ZNF827: variants seen among roughly 807,000 people sequenced by gnomAD.
ZNF827 encodes the protein zinc finger protein 827.
In ZNF827, 13 loss-of-function variants were observed where a neutral mutation model predicts 102.4. That is an observed-to-expected ratio of 0.13 (90% CI 0.08 to 0.20). The LOEUF (loss-of-function observed/expected upper bound fraction) is 0.20. ZNF827 is among the 10% of genes least tolerant of loss of function. ZNF827 has a pLI of 1.00. For synonymous variants in ZNF827, 523 were observed against 536.2 expected, an observed-to-expected ratio of 0.98 and a Z score of 0.34; for missense variants, 1,103 against 1,344.4, an observed-to-expected ratio of 0.82 and a Z score of 2.81.
chr4:145,834,659 T>G (rs1744625157), intron 7 of ZNF827, among the ~76,000 whole-genome samples: 1 of 152,124 alleles, frequency 6.6e-6, no homozygotes, highest in African/African-American at 2.4e-5. Context: ...TAGGCTCTTT[T>G]TCATCAAATA....
intron 7 of ZNF827, among the ~76,000 whole-genome samples, chr4:145,842,024 G>A (rs1375385440): frequency 1.3e-5 from 2 of 152,146 alleles, no homozygotes; most frequent in African/African-American, 4.8e-5. Flanking sequence ...GTAGAGGAGG[G>A]AGATAGATAA....
intron 1 of ZNF827, among the ~76,000 whole-genome samples, chr4:145,934,174 A>G (rs1753997448): frequency 6.6e-6 from 1 of 152,196 alleles, no homozygotes; most frequent in Admixed American, 6.5e-5. Flanking sequence ...TCGTGTAATA[A>G]TTTTTAAAAC....
At chr4:145,818,973 T>C (rs1742867480) in intron 8 of ZNF827, among the ~76,000 whole-genome samples, 1 of 152,212 alleles carries the variant, frequency 6.6e-6, no homozygotes, top group Admixed American at 6.5e-5. Context: ...GAACATCAAA[T>C]TCTGACTGGC....
At chr4:145,791,360 G>C (rs1299451546) in intron 8 of ZNF827, among the ~76,000 whole-genome samples, 2 of 152,132 alleles carry the variant, frequency 1.3e-5, no homozygotes, top group Non-Finnish European at 2.9e-5. Flanking sequence ...CTTCCCAAAG[G>C]CTCCATCTTC....
chr4:145,781,602 A>T (rs1738064304), intron 8 of ZNF827, among the ~76,000 whole-genome samples: 1 of 152,194 alleles, frequency 6.6e-6, no homozygotes. Context: ...GTGACTAAAA[A>T]CCTCTAAAGG....
At chr4:145,831,482 G>C (rs1158445918) in intron 7 of ZNF827, 1 of 152,210 alleles carries the variant, frequency 6.6e-6, no homozygotes, top group Non-Finnish European at 1.5e-5. Flanking sequence ...GTGGGCAGAG[G>C]GGACTCAAGG....
intron 8 of ZNF827, among the ~76,000 whole-genome samples, chr4:145,779,884 A>G (rs1737709885): frequency 1.3e-5 from 2 of 152,246 alleles, no homozygotes; most frequent in Admixed American, 1.3e-4. Context: ...GGCTCTTGCC[A>G]CAAGGCAGTA....
At chr4:145,905,372 G>C (rs1481225938) in intron 1 of ZNF827, among the ~76,000 whole-genome samples, 1 of 152,164 alleles carries the variant, frequency 6.6e-6, no homozygotes, top group Non-Finnish European at 1.5e-5. Context: ...TGTCACAAAT[G>C]ACAAATTCTC....
At chr4:145,925,304 T>A (rs1207666409) in intron 1 of ZNF827, among the ~76,000 whole-genome samples, 1 of 152,244 alleles carries the variant, frequency 6.6e-6, no homozygotes, top group Non-Finnish European at 1.5e-5. Flanking sequence ...CTTCTTGGAA[T>A]GTTCTCTCCT....
intron 5 of ZNF827, among the ~76,000 whole-genome samples, chr4:145,865,957 C>A (rs941831602): frequency 2.6e-4 from 40 of 152,138 alleles, no homozygotes; most frequent in African/African-American, 9.4e-4. Flanking sequence ...TTCTTTTGAG[C>A]AAAACATAAA....
At position 145,758,408 on chromosome 4, in the gene ZNF827, C is replaced by T. The variant is rs1436423911; in HGVS notation, c.*3208G>A. 1 of 152,166 alleles carries T rather than the reference C, an allele frequency of 6.6e-6. No individual in the cohort carries two copies. The highest frequency in any genetic ancestry group is 1.5e-5 in the Non-Finnish European group (1 of 68,048). The allele number at this position is 152,166 out of a possible 1,614,324, so 9.4% of individuals were successfully genotyped here. A position where few individuals can be genotyped will look rare whatever the true frequency, so the allele number is the denominator to read the frequency against. On this transcript the variant is annotated 3_prime_UTR_variant, in exon 15 of 15. Coordinates refer to ENST00000508784, the MANE Select transcript of ZNF827 (RefSeq NM_001306215.2). ...AAACCTATAGTCTGAATTGTCAGGG[C>T]CACCCTTTCAGGTTTTTAACCTGCT...
At chr4:145,810,793 T>C (rs1741932768) in intron 8 of ZNF827, among the ~76,000 whole-genome samples, 1 of 152,244 alleles carries the variant, frequency 6.6e-6, no homozygotes, top group Admixed American at 6.5e-5. Flanking sequence ...ATTCATGGTT[T>C]ATTGAAAATG....
Position 145,902,963 on chromosome 4 carries a change from T to C in ZNF827, c.296A>G (p.Asp99Gly), listed in dbSNP as rs371065551. ...AGAAGACACTCCCGGGGAAAGGTGA[T>C]CTTGACACTGCAGTGAGTCTCGCAG... ...EVLRDSLQCQ[D>G]HLSPGVSSLC... Residue 99 changes from aspartate to glycine, a missense_variant, in exon 2 of 15, where the codon GAT (aspartate) becomes GGT (glycine). Physicochemically the swap from Asp to Gly is moderately conservative, Grantham distance 94 (BLOSUM62 -1). Coordinates refer to ENST00000508784, the MANE Select transcript of ZNF827 (RefSeq NM_001306215.2). This position sits in a 1 kb window ranked among gnomAD's most constrained non-coding sequence, Gnocchi z 4.3. 71 of 1,614,018 alleles carry C rather than the reference T, an allele frequency of 4.4e-5. No individual in the cohort carries two copies. The highest frequency in any genetic ancestry group is 5.6e-5 in the Non-Finnish European group (66 of 1,180,036).
At chr4:145,896,691 T>C (rs938567780) in intron 2 of ZNF827, among the ~76,000 whole-genome samples, 1 of 152,238 alleles carries the variant, frequency 6.6e-6, no homozygotes, top group Non-Finnish European at 1.5e-5. Context: ...GCCTTTCACA[T>C]AGTGCCCCAA....
chr4:145,906,550 C>T (rs1751885836), intron 1 of ZNF827, among the ~76,000 whole-genome samples: 1 of 152,152 alleles, frequency 6.6e-6, no homozygotes, highest in Non-Finnish European at 1.5e-5. Flanking sequence ...GAATATTCCC[C>T]CTCCAAACGT....
chr4:145,813,719 G>GA (rs1325904948), intron 8 of ZNF827, among the ~76,000 whole-genome samples: 1 of 152,202 alleles, frequency 6.6e-6, no homozygotes, highest in African/African-American at 2.4e-5. Context: ...ATGACAACAG[G>GA]AAGCCCCCCT....
chr4:145,810,993 C>CTTTTTTTT (rs34011180), intron 8 of ZNF827, among the ~76,000 whole-genome samples: 2 of 137,974 alleles, frequency 1.4e-5, no homozygotes. Flanking sequence ...ACTCATTTCG[C>CTTTTTTTT]TTTTTTTTTT....
At chr4:145,879,431 A>C (rs927047024) in intron 4 of ZNF827, among the ~76,000 whole-genome samples, 1 of 152,244 alleles carries the variant, frequency 6.6e-6, no homozygotes, top group South Asian at 2.1e-4. Context: ...TTCAAGGAGA[A>C]TGACACTTCC....
intron 2 of ZNF827, among the ~76,000 whole-genome samples, chr4:145,898,465 T>C (rs11731689): frequency 7.2e-5 from 11 of 152,206 alleles, no homozygotes; most frequent in South Asian, 2.1e-4. Flanking sequence ...GGGAATCTTG[T>C]TGGCCTTCTA....
Sources: gnomAD v4.1 joint callset for allele counts (sites outside exome capture counted in the v4.1 genomes callset) on GRCh38, gnomAD v4.1.1 for gene constraint, Gnocchi (gnomAD v3.1) non-coding constraint, MANE v1.5 for transcripts, NCBI Gene and HGNC (gene_info 2026-07-23, HGNC 2026-07-21) for gene names.